Variants in SLC18A2 observed in about 807,000 individuals in gnomAD.
SLC18A2 encodes solute carrier family 18 member A2, also known as synaptic vesicular amine transporter.
Under a neutral mutation model 59.2 loss-of-function variants are expected in SLC18A2, and 33 were observed. The observed-to-expected ratio is 0.56, with a 90% CI of 0.42 to 0.75. The LOEUF (loss-of-function observed/expected upper bound fraction) is 0.75, where lower values mean the gene tolerates loss of function less well. SLC18A2 is among the 30% of genes least tolerant of loss of function. The pLI is 0.00. For synonymous variants in SLC18A2, 228 were observed against 253.5 expected, an observed-to-expected ratio of 0.90 and a Z score of 0.95; for missense variants, 569 against 668.6, an observed-to-expected ratio of 0.85 and a Z score of 1.64.
chr10:117,261,931 G>A (rs998561491), intron 10 of SLC18A2, among the ~76,000 whole-genome samples: 1 of 151,572 alleles, frequency 6.6e-6, no homozygotes, highest in African/African-American at 2.4e-5. Context: ...TTTTTGAGAC[G>A]GAGTCTCAGT....
At chr10:117,241,550 T>C in intron 1 of SLC18A2, 129 bp from the exon 2 acceptor site, 3 of 1,044,790 alleles carry the variant, frequency 2.9e-6, no homozygotes, top group Non-Finnish European at 2.6e-6. Context: ...GAGCCGAGGC[T>C]GGGGCGCCCG....
chr10:117,266,669 A>T (rs576057828), intron 10 of SLC18A2, 64 bp from the exon 11 acceptor site: 9 of 1,249,076 alleles, frequency 7.2e-6, no homozygotes, highest in Middle Eastern at 1.9e-4. Flanking sequence ...GTCTACAGTT[A>T]TTACTTTTTC....
chr10:117,254,248 A>C (rs1397169905), intron 5 of SLC18A2, 117 bp downstream of exon 5: 1 of 1,195,546 alleles, frequency 8.4e-7, no homozygotes, highest in Non-Finnish European at 1.2e-6. Flanking sequence ...TGGAGAAGGC[A>C]CCCACTTTCC....
At chr10:117,254,247 C>A in intron 5 of SLC18A2, 116 bp downstream of exon 5, 2 of 1,189,156 alleles carry the variant, frequency 1.7e-6, no homozygotes, top group Non-Finnish European at 1.2e-6. Context: ...TTGGAGAAGG[C>A]ACCCACTTTC....
rs145840157 is a variant in SLC18A2 at position 117,257,806 on chromosome 10, G to C, written c.905G>C (p.Cys302Ser). 1.2e-5 allele frequency: 19 copies of C among 1,607,144 alleles called. No homozygotes were observed. Among genetic ancestry groups the C allele is most frequent in the Non-Finnish European group, 1.5e-5 (18 of 1,176,534 alleles). The change falls in exon 10 of 16, where the codon TGC becomes TCC. Residue 302 changes from cysteine to serine, a missense_variant. Coordinates refer to ENST00000644641, the MANE Select transcript of SLC18A2 (RefSeq NM_003054.6). ...PYILIAAGSI[C>S]FANMGIAMLE... is the part of the protein sequence containing the mutation. ...CTTTCCTCCCTTACAGGCTCCATCT[G>C]CTTTGCAAACATGGGCATCGCCATG...
chr10:117,241,290 A>G, intron 1 of SLC18A2, 70 bp downstream of exon 1: 1 of 160,454 alleles, frequency 6.2e-6, no homozygotes, highest in Non-Finnish European at 1.4e-5. Flanking sequence ...GGAGGCAGGG[A>G]GGCAGGGAGG....
At chr10:117,254,674 T>A (rs767948506) in intron 6 of SLC18A2, among the ~76,000 whole-genome samples, 177 bp downstream of exon 6, 1 of 152,174 alleles carries the variant, frequency 6.6e-6, no homozygotes, top group Non-Finnish European at 1.5e-5. Flanking sequence ...AGCCCTGAGC[T>A]GGGGGTGGAG....
Position 117,266,965 on chromosome 10 carries a change from G to A in SLC18A2, c.1071-19G>A. 5 of 1,611,286 alleles carry A rather than the reference G, an allele frequency of 3.1e-6. No individual in the cohort carries two copies. The highest frequency in any genetic ancestry group is 4.2e-6 in the Non-Finnish European group (5 of 1,178,954). On this transcript the variant is annotated intron_variant, in intron 11 of 15. Transcript: ENST00000644641. ...AAAATCAAATGATCATTTCTTGATG[G>A]TGCTTTTTCTTTTGGTAGGTGGCTT...
chr10:117,243,202 G>T (rs958274670), intron 2 of SLC18A2, among the ~76,000 whole-genome samples: 10 of 152,198 alleles, frequency 6.6e-5, no homozygotes, highest in Admixed American at 4.6e-4. Context: ...ACATAATGAA[G>T]TGTAGTTTTC....
chr10:117,265,654 A>G (rs1273168383), intron 10 of SLC18A2, among the ~76,000 whole-genome samples: 1 of 152,162 alleles, frequency 6.6e-6, no homozygotes, highest in Non-Finnish European at 1.5e-5. Flanking sequence ...CCTGTAGCCA[A>G]GCTGGGTCTG....
chr10:117,251,736 C>T (rs1023594175), intron 3 of SLC18A2, among the ~76,000 whole-genome samples: 2 of 152,052 alleles, frequency 1.3e-5, no homozygotes, highest in African/African-American at 2.4e-5. Context: ...TGGGTACTGG[C>T]GGAGGTGGTA....
chr10:117,274,271 G>C (rs1055675112), intron 15 of SLC18A2, among the ~76,000 whole-genome samples: 1 of 152,186 alleles, frequency 6.6e-6, no homozygotes, highest in African/African-American at 2.4e-5. Flanking sequence ...AACTTCACCT[G>C]AAACAGGCTG....
intron 13 of SLC18A2, 34 bp downstream of exon 13, chr10:117,267,770 A>G: frequency 6.6e-7 from 1 of 1,512,358 alleles, no homozygotes. Context: ...TACATTTAAA[A>G]CCGCTTTTCC....
At chr10:117,241,869 C>G in intron 2 of SLC18A2, 55 bp downstream of exon 2, 1 of 1,528,472 alleles carries the variant, frequency 6.5e-7, no homozygotes. Flanking sequence ...CGCCCCTTCC[C>G]CGGCACTCCA....
intron 15 of SLC18A2, among the ~76,000 whole-genome samples, chr10:117,276,613 C>CAAAAAAAAAAAAAAAAAAAAAAAA (rs1161850365): frequency 2.1e-5 from 1 of 46,732 alleles, no homozygotes; most frequent in African/African-American, 9.4e-5. Flanking sequence ...GACTTCATCT[C>CAAAAAAAAAAAAAAAAAAAAAAAA]AAAAAAAAAA....
chr10:117,268,023 C>T, intron 13 of SLC18A2: 1 of 316,146 alleles, frequency 3.2e-6, no homozygotes, highest in South Asian at 7.5e-5. Context: ...ATCCCTTGCA[C>T]AGAGCTCATT....
chr10:117,274,597 C>G (rs1268044023), intron 15 of SLC18A2, among the ~76,000 whole-genome samples: 2 of 152,194 alleles, frequency 1.3e-5, no homozygotes, highest in African/African-American at 2.4e-5. Context: ...CAACTGGTAT[C>G]TCACTGTGCC....
rs931139257 is a variant in SLC18A2, at chr10:117,279,330, C to G, written c.*2064C>G. ...ATGTTTGGACCTGGTAATACAGATA[C>G]AAAAACTTTAATGAGGTAGCAATGA... On this transcript the variant is annotated 3_prime_UTR_variant, in exon 16 of 16. Transcript: ENST00000644641. 1 of 152,096 alleles carries G rather than the reference C, an allele frequency of 6.6e-6. No individual in the cohort carries two copies. Among genetic ancestry groups the G allele is most frequent in the South Asian group, 2.1e-4 (1 of 4,828 alleles). 9.4% of individuals were successfully genotyped at this position (152,096 alleles called of 1,614,324 possible).
At chr10:117,260,640 T>C (rs966516809) in intron 10 of SLC18A2, among the ~76,000 whole-genome samples, 1 of 152,216 alleles carries the variant, frequency 6.6e-6, no homozygotes, top group South Asian at 2.1e-4. Context: ...TTTTTAATGG[T>C]TGCATATTGT....
Sources: gnomAD v4.1 joint callset for allele counts (sites outside exome capture counted in the v4.1 genomes callset) on GRCh38, gnomAD v4.1.1 for gene constraint, MANE v1.5 for transcripts, NCBI Gene and HGNC (gene_info 2026-07-23, HGNC 2026-07-21) for gene names.